The following LPP variants were observed in gnomAD, a reference collection of about 807,000 sequenced individuals.
The protein encoded by LPP is LIM domain containing preferred translocation partner in lipoma.
In LPP, 38 loss-of-function variants were observed where a neutral mutation model predicts 60.4. The ratio of observed to expected loss-of-function variants is 0.63; its 90% CI spans 0.49 to 0.83. LPP has a LOEUF of 0.83. Among genes scored for constraint, LPP ranks in the 40% least tolerant of loss-of-function variants. The probability of loss-of-function intolerance (pLI) is 0.00; values close to 1 mark genes in which losing one functional copy is unlikely to be tolerated. For synonymous variants in LPP, 328 were observed against 290.8 expected (o/e 1.13, Z -1.30); for missense variants, 902 against 783.6 (o/e 1.15, Z -1.80).
chr3:188,666,565 T>C (rs1337275138), intron 7 of LPP, among the ~76,000 whole-genome samples: 1 of 152,222 alleles, frequency 6.6e-6, no homozygotes, highest in East Asian at 1.9e-4. Context: ...ATATCCTTCT[T>C]TGGGAAATAG....
chr3:188,874,096 T>C (rs1768897839), intron 11 of LPP, among the ~76,000 whole-genome samples: 1 of 152,166 alleles, frequency 6.6e-6, no homozygotes, highest in Admixed American at 6.5e-5. Context: ...CTGTATTTCA[T>C]ATCAAGTGAG....
chr3:188,765,861 C>CTTTTTTTTTTTTTTTTTTTTTTTT lies in LPP; in HGVS notation c.1410+5582_1410+5605dup, dbSNP rs71169019. 7.6e-5 allele frequency among the ~76,000 whole-genome samples: 7 copies of CTTTTTTTTTTTTTTTTTTTTTTTT among 92,618 alleles called. 1 individual carries two copies. Among genetic ancestry groups the CTTTTTTTTTTTTTTTTTTTTTTTT allele is most frequent in the Non-Finnish European group, 6.0e-5 (3 of 49,900 alleles). The allele number at this position is 92,618 out of a possible 152,430, so 60.8% of individuals were successfully genotyped here. On this transcript the variant is annotated intron_variant, in intron 9 of 11. Transcript: ENST00000617246. Reference sequence around the variant, plus strand: ...GCAACGTGCAACTTAATGTTCAACTCTTTTTTTTTTTTTTTTTTTTTTTTT... The same window carrying CTTTTTTTTTTTTTTTTTTTTTTTT: ...GCAACGTGCAACTTAATGTTCAACTCTTTTTTTTTTTTTTTTTTTTTTTTTTTTTTTTTTTTTTTTTTTTTTTTT...
chr3:188,407,807 T>TTATTGG (rs57448533), intron 4 of LPP, among the ~76,000 whole-genome samples: 1 of 121,234 alleles, frequency 8.2e-6, no homozygotes. Flanking sequence ...TTTTTTTTTT[T>TTATTGG]GAGATGGAGT....
At chr3:188,733,290 CGTGTGTGTGTGT>C (rs10576864) in intron 8 of LPP, among the ~76,000 whole-genome samples, 12 of 147,064 alleles carry the variant, frequency 8.2e-5, no homozygotes, top group Non-Finnish European at 1.7e-4. Flanking sequence ...TCACCAAAAA[CGTGTGTGTGTGT>C]GTGTGTGTGT....
intron 1 of LPP, among the ~76,000 whole-genome samples, chr3:188,208,670 C>T (rs959413330): frequency 6.6e-6 from 1 of 152,194 alleles, no homozygotes; most frequent in Non-Finnish European, 1.5e-5. Context: ...TCTATTACCT[C>T]CTTTTGGCCC....
At chr3:188,386,062 T>C (rs940902312) in intron 3 of LPP, among the ~76,000 whole-genome samples, 1 of 152,184 alleles carries the variant, frequency 6.6e-6, no homozygotes, top group Non-Finnish European at 1.5e-5. Flanking sequence ...GAAGAATTTA[T>C]TCTTTTTTTC....
chr3:188,227,837 C>T (rs369687453), intron 2 of LPP, among the ~76,000 whole-genome samples: 2 of 152,290 alleles, frequency 1.3e-5, no homozygotes, highest in African/African-American at 4.8e-5. Flanking sequence ...CTGTATATTT[C>T]TGAACCAGTC....
intron 2 of LPP, among the ~76,000 whole-genome samples, chr3:188,312,157 A>G (rs1753667772): frequency 7.7e-6 from 1 of 130,528 alleles, no homozygotes; most frequent in East Asian, 2.1e-4. Context: ...ACACACAGAA[A>G]CACACACACA....
chr3:188,214,012 T>G (rs182079913), intron 1 of LPP, among the ~76,000 whole-genome samples: 7 of 114,680 alleles, frequency 6.1e-5, no homozygotes, highest in Non-Finnish European at 1.2e-4. Flanking sequence ...TTTTTAAGCC[T>G]ACCAAAGCAG....
At chr3:188,419,179 A>G (rs1040602474) in intron 4 of LPP, among the ~76,000 whole-genome samples, 4 of 152,190 alleles carry the variant, frequency 2.6e-5, no homozygotes, top group Non-Finnish European at 4.4e-5. Flanking sequence ...TGACATCTGC[A>G]TTAAATTCCG....
chr3:188,432,928 GC>G (rs1210186926), intron 4 of LPP, among the ~76,000 whole-genome samples: 1 of 152,128 alleles, frequency 6.6e-6, no homozygotes, highest in Non-Finnish European at 1.5e-5. Flanking sequence ...TCCATTAAGT[GC>G]CTAGGACCTT....
intron 5 of LPP, among the ~76,000 whole-genome samples, chr3:188,512,330 G>T (rs1260842693): frequency 2.0e-5 from 3 of 152,096 alleles, no homozygotes; most frequent in Admixed American, 2.0e-4. Flanking sequence ...GGCCTAGGCG[G>T]GTGGATCGCC....
intron 1 of LPP, among the ~76,000 whole-genome samples, chr3:188,158,663 A>G (rs190133634): frequency 2.0e-5 from 3 of 152,302 alleles, no homozygotes; most frequent in East Asian, 1.9e-4. Context: ...TAATTATCAT[A>G]TTGATTCATT....
intron 9 of LPP, among the ~76,000 whole-genome samples, chr3:188,775,055 G>GCTTT (rs1553844026): frequency 3.7e-5 from 5 of 136,686 alleles, no homozygotes; most frequent in African/African-American, 5.4e-5. Flanking sequence ...CATGCTTAGT[G>GCTTT]TTTTTTTTTT....
At chr3:188,445,568 C>T (rs964471549) in intron 4 of LPP, among the ~76,000 whole-genome samples, 8 of 151,862 alleles carry the variant, frequency 5.3e-5, no homozygotes, top group Admixed American at 1.3e-4. Flanking sequence ...AGCAAACCAC[C>T]GTGGCATATG....
rs141732955 is a variant in LPP at position 188,718,922 on chromosome 3, T to G, written c.1240+10529T>G. ...TTAGAGATCATGAAAATGAGTGAGA[T>G]TTTTAGGGTCCCAAATTTGTTAGTG... On this transcript the variant is annotated intron_variant, in intron 8 of 11. Transcript: ENST00000617246. Among the ~76,000 whole-genome samples, 204 of 152,310 alleles carry G rather than the reference T, an allele frequency of 1.3e-3. 2 individuals are homozygous for G. The highest frequency in any genetic ancestry group is 4.6e-3 in the African/African-American group (190 of 41,562).
chr3:188,436,590 T>C (rs1377049840), intron 4 of LPP, among the ~76,000 whole-genome samples: 1 of 152,164 alleles, frequency 6.6e-6, no homozygotes, highest in African/African-American at 2.4e-5. Flanking sequence ...GTACTGTTAA[T>C]TGCCTTGGGA....
intron 5 of LPP, among the ~76,000 whole-genome samples, chr3:188,512,913 A>G (rs1368177414): frequency 2.4e-4 from 37 of 152,228 alleles, no homozygotes. Flanking sequence ...GAGGTTTTAA[A>G]AAACAAAATC....
At chr3:188,646,891 A>T (rs1240664038) in intron 7 of LPP, among the ~76,000 whole-genome samples, 4 of 152,178 alleles carry the variant, frequency 2.6e-5, no homozygotes, top group African/African-American at 9.7e-5. Flanking sequence ...TTGCAACCTC[A>T]ATACACATCT....
Sources: allele counts gnomAD v4.1 joint callset (sites outside exome capture counted in the v4.1 genomes callset), GRCh38; gene constraint gnomAD v4.1.1; transcripts MANE v1.5; gene names NCBI Gene and HGNC (gene_info 2026-07-23, HGNC 2026-07-21).